Variants in GAL3ST4 observed in about 807,000 individuals in gnomAD.
GAL3ST4 encodes galactose-3-O-sulfotransferase 4.
A neutral mutation model predicts 31.6 loss-of-function variants in GAL3ST4; 30 were observed. The observed-to-expected ratio is 0.95, with a 90% CI of 0.71 to 1.29. The LOEUF is 1.29. Among genes scored for constraint, GAL3ST4 ranks in the 50% most tolerant of loss-of-function variants. The probability of loss-of-function intolerance (pLI) is 0.00; values close to 1 mark genes in which losing one functional copy is unlikely to be tolerated. For missense variants in GAL3ST4, 629 were observed against 625.2 expected (o/e 1.01, Z -0.06); for synonymous variants, 248 against 256.9 (o/e 0.97, Z 0.33).
At chr7:100,163,310 C>T (rs767112606) in intron 3 of GAL3ST4, among the ~76,000 whole-genome samples, 6 of 152,178 alleles carry the variant, frequency 3.9e-5, no homozygotes, top group Admixed American at 6.6e-5. Context: ...CACACCCTAA[C>T]GTGGCCCTGC....
At chr7:100,166,372 T>C (rs756370692) in intron 3 of GAL3ST4, 130 bp downstream of exon 3, 6 of 959,472 alleles carry the variant, frequency 6.3e-6, no homozygotes, top group Non-Finnish European at 9.4e-6. Flanking sequence ...AGCCCAACTT[T>C]GTGGCCCCTA....
intron 3 of GAL3ST4, among the ~76,000 whole-genome samples, chr7:100,164,372 C>T (rs564614549): frequency 6.6e-6 from 1 of 152,218 alleles, no homozygotes; most frequent in East Asian, 1.9e-4. Flanking sequence ...CCTTTAAAAC[C>T]CCCCGCTCTC....
intron 3 of GAL3ST4, among the ~76,000 whole-genome samples, chr7:100,164,770 C>T (rs1322097514): frequency 1.3e-5 from 2 of 152,188 alleles, no homozygotes; most frequent in East Asian, 1.9e-4. Flanking sequence ...GATACAAACA[C>T]ATGCACAAGC....
At chr7:100,162,121 TTAAAA>T (rs1406884728) in intron 3 of GAL3ST4, among the ~76,000 whole-genome samples, 7 of 152,016 alleles carry the variant, frequency 4.6e-5, no homozygotes, top group Non-Finnish European at 5.9e-5. Context: ...ATCCCAGAAC[TTAAAA>T]TAAAAATAAA....
rs1798995350 is a variant in GAL3ST4, at chr7:100,160,971, G to A, written c.430-12C>T. On this transcript the variant is annotated splice_polypyrimidine_tract_variant and intron_variant, in intron 3 of 3. Coordinates refer to ENST00000360039, the MANE Select transcript of GAL3ST4 (RefSeq NM_024637.5). Reference sequence around the variant, plus strand: ...ATGACCTGAAGTACCTGCAGAGGAGGGAAGACAGAAGAGAGAGAACTGGGC... The same window carrying A: ...ATGACCTGAAGTACCTGCAGAGGAGAGAAGACAGAAGAGAGAGAACTGGGC... 7 of 1,566,926 alleles carry A rather than the reference G, an allele frequency of 4.5e-6. No homozygotes were observed. The East Asian group carries it at 1.1e-4, about 25-fold the overall frequency.
In GAL3ST4 at chr7:100,160,397, T is replaced by C. The variant is rs1196580492; in HGVS notation, c.992A>G (p.Asn331Ser). Reference protein sequence around the residue: ...GLDDVVGFMHNAQAGHKQGLS... With the variant: ...GLDDVVGFMHSAQAGHKQGLS... ...GCCCTGCTTATGTCCAGCCTGGGCA[T>C]TGTGCATGAAGCCCACCACGTCATC... The change falls in exon 4 of 4, where the codon AAT (asparagine) becomes AGT (serine). Residue 331 changes from asparagine to serine, a missense_variant. Physicochemically the swap from Asn to Ser is conservative, Grantham distance 46. Coordinates refer to ENST00000360039, the MANE Select transcript of GAL3ST4 (RefSeq NM_024637.5). 1 of 1,614,038 alleles carries C rather than the reference T, an allele frequency of 6.2e-7. No homozygotes were observed. The highest frequency in any genetic ancestry group is 8.5e-7 in the Non-Finnish European group (1 of 1,180,034).
intron 2 of GAL3ST4, 63 bp downstream of exon 2, chr7:100,166,908 G>A (rs1584626920): frequency 6.4e-7 from 1 of 1,568,450 alleles, no homozygotes; most frequent in East Asian, 2.3e-5. Flanking sequence ...ACCAGCCCCA[G>A]GTGGGATGGG....
rs1435790235 is a variant in GAL3ST4, at chr7:100,159,668, C to G, written c.*260G>C. The G allele has an allele frequency of 8.1e-6, 3 of 371,560 alleles. No homozygotes were observed. The highest frequency in any genetic ancestry group is 2.1e-5 in the African/African-American group (1 of 47,880). The allele number at this position is 371,560 out of a possible 1,614,324, so 23.0% of individuals were successfully genotyped here. A position where few individuals can be genotyped will look rare whatever the true frequency, so the allele number is the denominator to read the frequency against. Reference sequence around the variant, plus strand: ...CTGGGAGGCAGAGGTTGCAGTGAGCCGAGATCATGCCACTGCACTCCAGCC... The same window carrying G: ...CTGGGAGGCAGAGGTTGCAGTGAGCGGAGATCATGCCACTGCACTCCAGCC... On this transcript the variant is annotated 3_prime_UTR_variant, in exon 4 of 4. Transcript: ENST00000360039.
chr7:100,164,145 G>A (rs1022572792), intron 3 of GAL3ST4, among the ~76,000 whole-genome samples: 3 of 152,044 alleles, frequency 2.0e-5, no homozygotes, highest in East Asian at 1.9e-4. Flanking sequence ...GTGGCCTTTC[G>A]CTGCCCATCA....
intron 3 of GAL3ST4, among the ~76,000 whole-genome samples, chr7:100,164,616 G>A (rs964749420): frequency 6.6e-6 from 1 of 151,940 alleles, no homozygotes; most frequent in Non-Finnish European, 1.5e-5. Context: ...CTGAGATCGT[G>A]CCACTGCACT....
At position 100,160,156 on chromosome 7, in the gene GAL3ST4, A is replaced by AC; in HGVS notation, c.1232dup (p.Glu412Ter). 2.5e-6 allele frequency: 4 copies of AC among 1,613,284 alleles called. No homozygotes were observed. The highest frequency in any genetic ancestry group is 3.4e-6 in the Non-Finnish European group (4 of 1,179,656). On this transcript the variant is annotated frameshift_variant, in exon 4 of 4. Transcript: ENST00000360039. LOFTEE classifies it high-confidence loss of function. Reference sequence around the variant, plus strand: ...TGATGTATTTGGGGTCAGAAGCCTCACCCCCTACCAGACAATGTTTCGCTA... The same window carrying AC: ...TGATGTATTTGGGGTCAGAAGCCTCACCCCCCTACCAGACAATGTTTCGCTA...
chr7:100,166,512 TTGAACCTCATGTG>T lies in GAL3ST4; in HGVS notation c.406_418del (p.His136ThrfsTer2), dbSNP rs759522715. 59 of 1,612,766 alleles carry T rather than the reference TTGAACCTCATGTG, an allele frequency of 3.7e-5. No individual in the cohort carries two copies. In the South Asian group the frequency reaches 4.4e-4, roughly 12 times the overall value. On this transcript the variant is annotated frameshift_variant, in exon 3 of 4. Transcript: ENST00000360039. LOFTEE classifies it high-confidence loss of function. ...TGCGACACTCCTTACCTCTTTCAGG[TTGAACCTCATGTG>T]GTGACAGAGGATGTGGAAGGGGAGC...
rs1798986204 is a variant in GAL3ST4 at position 100,160,644 on chromosome 7, G to A, written c.745C>T (p.Pro249Ser). 6.2e-7 allele frequency: 1 copy of A among 1,613,752 alleles called. No homozygotes were observed. The highest frequency in any genetic ancestry group is 8.5e-7 in the Non-Finnish European group (1 of 1,180,042). The change falls in exon 4 of 4, where the codon CCT (proline) becomes TCT (serine). Residue 249 changes from proline to serine, a missense_variant. Physicochemically the swap from Pro to Ser is moderately conservative, Grantham distance 74. Coordinates refer to ENST00000360039, the MANE Select transcript of GAL3ST4 (RefSeq NM_024637.5). Reference protein sequence around the residue: ...QLQVLPSGAGPRAQTLNPNAL... With the variant: ...QLQVLPSGAGSRAQTLNPNAL... Reference sequence around the variant, plus strand: ...TTGGGATTGAGGGTTTGGGCTCGAGGGCCAGCACCAGAAGGCAAGACCTGC... The same window carrying A: ...TTGGGATTGAGGGTTTGGGCTCGAGAGCCAGCACCAGAAGGCAAGACCTGC...
At chr7:100,163,190 C>G (rs1799028970) in intron 3 of GAL3ST4, among the ~76,000 whole-genome samples, 1 of 152,122 alleles carries the variant, frequency 6.6e-6, no homozygotes, top group African/African-American at 2.4e-5. Context: ...CAAAAAACAC[C>G]CTGGGCTGGG....
rs756918778 is a variant in GAL3ST4 at position 100,160,413 on chromosome 7, C to T, written c.976G>A (p.Val326Met). 2.5e-6 allele frequency: 4 copies of T among 1,613,974 alleles called. No individual in the cohort carries two copies. Among genetic ancestry groups the T allele is most frequent in the African/African-American group, 1.3e-5 (1 of 74,908 alleles). The stretch of plus-strand genomic sequence containing the variant: ...GCCTGGGCATTGTGCATGAAGCCCA[C>T]CACGTCATCTAGACCCCAGCACAGG... ...DALCWGLDDV[V>M]GFMHNAQAGH... The change falls in exon 4 of 4, where the codon GTG (valine) becomes ATG (methionine). Residue 326 changes from valine to methionine, a missense_variant. Transcript: ENST00000360039.
At chr7:100,166,207 G>A (rs1382162283) in intron 3 of GAL3ST4, among the ~76,000 whole-genome samples, 1 of 152,172 alleles carries the variant, frequency 6.6e-6, no homozygotes, top group African/African-American at 2.4e-5. Context: ...GCACCTGGAG[G>A]GAGAGTTGGG....
In GAL3ST4 at chr7:100,160,548, A is replaced by C; in HGVS notation, c.841T>G (p.Leu281Val). Residue 281 changes from leucine (L) to valine (V), a missense_variant, in exon 4 of 4, where the codon TTG becomes GTG. Leu to Val is a conservative substitution (Grantham distance 32). Transcript: ENST00000360039. ...SQISSPASFD[L>V]GSSSFIQWGL... ...CACTGGATGAAGGATGAAGACCCCA[A>C]ATCGAAAGAGGCAGGGCTTGATATC... is the stretch of plus-strand genomic sequence containing the variant. 1 of 1,613,960 alleles carries C rather than the reference A, an allele frequency of 6.2e-7. No homozygotes were observed. The highest frequency in any genetic ancestry group is 1.3e-5 in the African/African-American group (1 of 75,062).
rs1799118514 is a variant in GAL3ST4 at position 100,168,344 on chromosome 7, C to A, written c.-189+202G>T. 6.6e-6 allele frequency among the ~76,000 whole-genome samples: 1 copy of A among 152,182 alleles called. No homozygotes were observed. The highest frequency in any genetic ancestry group is 2.4e-5 in the African/African-American group (1 of 41,448). On this transcript the variant is annotated intron_variant, in intron 1 of 3. Transcript: ENST00000360039. The surrounding 1 kb of genome is among the most constrained non-coding windows in gnomAD (Gnocchi z 4.1). ...CCTGATCACAGCCCCTGGGGTCTAG[C>A]CGCGTCTCCCCTATCCAGAGTTCTT...
chr7:100,161,487 A>G (rs937141595), intron 3 of GAL3ST4, among the ~76,000 whole-genome samples: 6 of 151,930 alleles, frequency 3.9e-5, no homozygotes, highest in Admixed American at 2.6e-4. Context: ...CGTCTCTACT[A>G]AAAATACAAA....
Sources: allele counts gnomAD v4.1 joint callset (sites outside exome capture counted in the v4.1 genomes callset), GRCh38; gene constraint gnomAD v4.1.1; non-coding constraint Gnocchi (gnomAD v3.1); transcripts MANE v1.5; gene names NCBI Gene and HGNC (gene_info 2026-07-23, HGNC 2026-07-21).